Variants in ATXN3 observed in about 807,000 individuals in gnomAD.
The protein encoded by ATXN3 is ataxin 3.
In ATXN3, 28 loss-of-function variants were observed where a neutral mutation model predicts 58.2. That is an observed-to-expected ratio of 0.48 (90% CI 0.36 to 0.66). ATXN3 has a LOEUF of 0.66. ATXN3 is among the 30% of genes least tolerant of loss of function. The probability of loss-of-function intolerance (pLI) is 0.00; values close to 1 mark genes in which losing one functional copy is unlikely to be tolerated. For missense variants in ATXN3, 321 were observed against 422.1 expected (o/e 0.76, Z 2.10); for synonymous variants, 113 against 138.5 (o/e 0.82, Z 1.29).
downstream of ATXN3, among the ~76,000 whole-genome samples, chr14:92,056,440 A>G (rs184549841): frequency 6.6e-5 from 10 of 152,324 alleles, no homozygotes; most frequent in East Asian, 1.9e-3. Flanking sequence ...AGTTTTTAAA[A>G]AGAAGAAAAT....
intron 9 of ATXN3, among the ~76,000 whole-genome samples, chr14:92,078,654 C>T (rs995326832): frequency 6.6e-6 from 1 of 151,978 alleles, no homozygotes; most frequent in African/African-American, 2.4e-5. Flanking sequence ...TGAGCCACCG[C>T]GCCTGGCCTT....
chr14:92,091,935 A>G (rs1026018689), intron 5 of ATXN3, among the ~76,000 whole-genome samples: 1 of 151,720 alleles, frequency 6.6e-6, no homozygotes, highest in South Asian at 2.1e-4. Context: ...AGCTCAAGCA[A>G]TCCTCCTGCC....
chr14:92,058,205 C>G (rs992556586), downstream of ATXN3: 4 of 152,182 alleles, frequency 2.6e-5, no homozygotes, highest in Non-Finnish European at 4.4e-5. Flanking sequence ...CACACAACAG[C>G]GCTTCTCAAG....
intron 5 of ATXN3, among the ~76,000 whole-genome samples, chr14:92,092,524 T>C (rs1486651417): frequency 6.6e-6 from 1 of 152,238 alleles, no homozygotes; most frequent in Non-Finnish European, 1.5e-5. Context: ...TTGAATGCTT[T>C]ATTCATGCTT....
chr14:92,083,046 CAT>C, intron 7 of ATXN3, 78 bp downstream of exon 7: 1 of 1,489,032 alleles, frequency 6.7e-7, no homozygotes, highest in Non-Finnish European at 9.0e-7. Flanking sequence ...ACAAGGACCA[CAT>C]ATTCAATCTA....
intron 4 of ATXN3, 192 bp downstream of exon 4, chr14:92,093,554 A>G: frequency 1.6e-6 from 1 of 637,506 alleles, no homozygotes; most frequent in Non-Finnish European, 2.7e-6. Flanking sequence ...TGCCACAGAC[A>G]CTGGGGTGCC....
At chr14:92,088,493 A>G (rs1053372797) in intron 6 of ATXN3, among the ~76,000 whole-genome samples, 2 of 152,190 alleles carry the variant, frequency 1.3e-5, no homozygotes, top group East Asian at 1.9e-4. Flanking sequence ...TAAAAGAAAA[A>G]GCCATTACTT....
At chr14:92,100,408 A>G (rs1195399973) in intron 1 of ATXN3, among the ~76,000 whole-genome samples, 1 of 152,098 alleles carries the variant, frequency 6.6e-6, no homozygotes, top group Non-Finnish European at 1.5e-5. Flanking sequence ...TAGCATTACT[A>G]TTTGTAATGG....
intron 4 of ATXN3, 158 bp from the exon 5 acceptor site, chr14:92,093,476 C>A: frequency 1.6e-6 from 1 of 622,906 alleles, no homozygotes; most frequent in Non-Finnish European, 2.8e-6. Flanking sequence ...ATGAACGTCT[C>A]TGCAGCAGCT....
At chr14:92,101,541 A>G (rs2066788371) in intron 1 of ATXN3, among the ~76,000 whole-genome samples, 2 of 152,180 alleles carry the variant, frequency 1.3e-5, no homozygotes, top group South Asian at 4.1e-4. Flanking sequence ...ACTTTGCCAT[A>G]ATCAAAGTTC....
chr14:92,096,002 C>T lies in ATXN3; in HGVS notation c.234+91G>A, dbSNP rs556241549. ...TATACTCTGTAGACAGAAGAACTTC[C>T]GAAGGTCGCCTTGTTACAGTGACTA... On this transcript the variant is annotated intron_variant, in intron 3 of 10. Transcript: ENST00000644486. The T allele has an allele frequency of 9.3e-5, 99 of 1,069,516 alleles. 1 individual carries two copies. Among genetic ancestry groups the T allele is most frequent in the East Asian group, 3.3e-4 (14 of 42,366 alleles). The allele number at this position is 1,069,516 out of a possible 1,614,324, so 66.3% of individuals were successfully genotyped here.
chr14:92,057,178 G>A (rs936449971), downstream of ATXN3, among the ~76,000 whole-genome samples: 22 of 152,332 alleles, frequency 1.4e-4, no homozygotes, highest in African/African-American at 4.6e-4. Context: ...AGCACTTTGG[G>A]AGGCCAAGGC....
rs780591975 is a variant in ATXN3 at position 92,080,971 on chromosome 14, A to G, written c.866T>C (p.Phe289Ser). ...CTTGTACCAACTACTTTACTTTTCA[A>G]AGTAGGCTTCTCGTCTCTTCCGAAG... ...EELRKRREAY[F>S]EKQQQKQQQQ... is the part of the protein sequence containing the mutation. Residue 289 changes from phenylalanine (F) to serine (S), a missense_variant, in exon 9 of 11, where the codon TTT becomes TCT. Physicochemically the swap from Phe to Ser is radical, Grantham distance 155 (BLOSUM62 -2). This residue lies in a region of ATXN3 where 200 missense variants were observed against 223.2 expected (regional missense o/e 0.90). Transcript: ENST00000644486. 18 of 1,605,036 alleles carry G rather than the reference A, an allele frequency of 1.1e-5. No individual in the cohort carries two copies. Among genetic ancestry groups the G allele is most frequent in the Non-Finnish European group, 1.5e-5 (17 of 1,172,140 alleles).
At position 92,090,120 on chromosome 14, in the gene ATXN3, C is replaced by T. The variant is rs148181893; in HGVS notation, c.388-1303G>A. 3.9e-5 allele frequency among the ~76,000 whole-genome samples: 6 copies of T among 152,256 alleles called. No homozygotes were observed. The East Asian group carries it at 9.7e-4, about 24-fold the overall frequency. On this transcript the variant is annotated intron_variant, in intron 5 of 10. Coordinates refer to ENST00000644486, the MANE Select transcript of ATXN3 (RefSeq NM_004993.6). The stretch of plus-strand genomic sequence containing the variant: ...CACTATCACATATAACATATAAACA[C>T]ATTTTTTTAAAAGAGATGGTCATCT...
upstream of ATXN3, among the ~76,000 whole-genome samples, chr14:92,051,797 G>A (rs768905824): frequency 2.0e-4 from 24 of 120,744 alleles, no homozygotes; most frequent in Non-Finnish European, 2.9e-4. Context: ...GCATGATCTC[G>A]GCTCACTGCA....
intron 10 of ATXN3, among the ~76,000 whole-genome samples, chr14:92,065,880 A>AT (rs2058303814): frequency 7.3e-6 from 1 of 137,352 alleles, no homozygotes; most frequent in African/African-American, 2.9e-5. Context: ...GACTCTGCCT[A>AT]AAAAAGAAAA....
At chr14:92,083,365 C>T in intron 6 of ATXN3, 107 bp from the exon 7 acceptor site, 1 of 1,088,274 alleles carries the variant, frequency 9.2e-7, no homozygotes, top group East Asian at 2.6e-5. Flanking sequence ...GAAAAAAATA[C>T]AAGCTGAGGA....
chr14:92,106,064 G>A (rs1049518051), intron 1 of ATXN3, among the ~76,000 whole-genome samples: 1 of 151,566 alleles, frequency 6.6e-6, no homozygotes, highest in Non-Finnish European at 1.5e-5. Context: ...GTGTAGGGAA[G>A]ACTCCAATAT....
chr14:92,070,802 T>A, intron 10 of ATXN3, 133 bp downstream of exon 10: 2 of 1,533,930 alleles, frequency 1.3e-6, no homozygotes, highest in Non-Finnish European at 1.8e-6. Context: ...TTTAGTAGAT[T>A]ACAAATTTAC....
Sources: allele counts gnomAD v4.1 joint callset (sites outside exome capture counted in the v4.1 genomes callset), GRCh38; gene constraint gnomAD v4.1.1; regional missense constraint gnomAD v4.1.1; transcripts MANE v1.5; gene names NCBI Gene and HGNC (gene_info 2026-07-23, HGNC 2026-07-21).